TMEM132D: variants seen among roughly 807,000 people sequenced by gnomAD.
TMEM132D encodes the protein mature OL transmembrane protein.
A neutral mutation model predicts 62.3 loss-of-function variants in TMEM132D; 21 were observed. The ratio of observed to expected loss-of-function variants is 0.34; its 90% confidence interval spans 0.24 to 0.49. TMEM132D has a LOEUF of 0.49. Ranked by LOEUF, TMEM132D falls within the 20% of genes least tolerant of loss-of-function variation. TMEM132D has a pLI of 0.99. For synonymous variants in TMEM132D, 621 were observed against 575.6 expected, an observed-to-expected ratio of 1.08 and a Z score of -1.13; for missense variants, 1,346 against 1,402.8, an observed-to-expected ratio of 0.96 and a Z score of 0.65.
chr12:129,890,712 A>G (rs1397284763), intron 1 of TMEM132D, among the ~76,000 whole-genome samples: 1 of 152,220 alleles, frequency 6.6e-6, no homozygotes, highest in Non-Finnish European at 1.5e-5. Context: ...ATCACTGTCC[A>G]TGCCTCATTT....
At chr12:129,311,213 AAAAAAAAAAAAAAAAAAAAAAAGG>A (rs1881967837) in intron 4 of TMEM132D, among the ~76,000 whole-genome samples, 1 of 88,392 alleles carries the variant, frequency 1.1e-5, no homozygotes, top group African/African-American at 7.1e-5. Flanking sequence ...AAAAAAAAAA[AAAAAAAAAAAAAAAAAAAAAAAGG>A]AACAGGACAG....
At chr12:129,428,914 G>A (rs1016854524) in intron 3 of TMEM132D, among the ~76,000 whole-genome samples, 1 of 152,230 alleles carries the variant, frequency 6.6e-6, no homozygotes, top group East Asian at 1.9e-4. Context: ...AGAAGACTCC[G>A]TGAAAGTAAA....
At chr12:129,482,071 G>A (rs985416071) in intron 3 of TMEM132D, among the ~76,000 whole-genome samples, 11 of 152,222 alleles carry the variant, frequency 7.2e-5, no homozygotes, top group East Asian at 1.9e-4. Flanking sequence ...TAGAACAGAG[G>A]TACCCAGCTG....
intron 5 of TMEM132D, among the ~76,000 whole-genome samples, chr12:129,176,827 G>A (rs1877920670): frequency 6.6e-6 from 1 of 152,258 alleles, no homozygotes. Flanking sequence ...TCCCTGGCAT[G>A]TGCCATGGGC....
At chr12:129,357,472 A>G (rs1348657982) in intron 3 of TMEM132D, among the ~76,000 whole-genome samples, 1 of 151,070 alleles carries the variant, frequency 6.6e-6, no homozygotes, top group African/African-American at 2.4e-5. Flanking sequence ...AGCAGTAGAA[A>G]AAGGAAGGAG....
chr12:129,317,493 G>A (rs1282860219), intron 4 of TMEM132D, among the ~76,000 whole-genome samples: 2 of 152,190 alleles, frequency 1.3e-5, no homozygotes, highest in Non-Finnish European at 2.9e-5. Context: ...AGCTTATAGG[G>A]TTTCTGCTGA....
At position 129,377,133 on chromosome 12, in the gene TMEM132D, A is replaced by C. The variant is rs141647293; in HGVS notation, c.1116-39316T>G. ...AAGTCCTGACCTAATGTGACTGGTG[A>C]CCTTAAAAGAAGAGGAGATTAAGAG... On this transcript the variant is annotated intron_variant, in intron 3 of 8. Transcript: ENST00000422113. Among the ~76,000 whole-genome samples, 417 of 152,312 alleles carry C rather than the reference A, an allele frequency of 2.7e-3. 3 individuals carry two copies. The highest frequency in any genetic ancestry group is 9.5e-3 in the African/African-American group (396 of 41,576).
intron 1 of TMEM132D, among the ~76,000 whole-genome samples, chr12:129,895,790 C>T (rs1422737052): frequency 6.7e-6 from 1 of 150,286 alleles, no homozygotes; most frequent in Non-Finnish European, 1.5e-5. Context: ...CTAAGCTGCC[C>T]TCCAAATTCT....
chr12:129,653,999 C>T (rs749001813), intron 2 of TMEM132D, among the ~76,000 whole-genome samples: 2 of 152,070 alleles, frequency 1.3e-5, no homozygotes, highest in African/African-American at 2.4e-5. Context: ...TTAGACCTTC[C>T]TTGTTTTTGA....
chr12:129,125,750 G>A (rs1407774823), intron 5 of TMEM132D, among the ~76,000 whole-genome samples: 2 of 151,624 alleles, frequency 1.3e-5, no homozygotes, highest in African/African-American at 4.8e-5. Context: ...CGATCCGCTC[G>A]CCTTGGCCTC....
chr12:129,278,909 A>T (rs2135607509), intron 4 of TMEM132D, among the ~76,000 whole-genome samples: 1 of 152,270 alleles, frequency 6.6e-6, no homozygotes, highest in South Asian at 2.1e-4. Flanking sequence ...TGGGGCCAAG[A>T]ATGAAGTGGT....
intron 4 of TMEM132D, among the ~76,000 whole-genome samples, chr12:129,220,289 T>A (rs549984576): frequency 2.6e-5 from 4 of 152,194 alleles, no homozygotes; most frequent in African/African-American, 9.6e-5. Context: ...TAGAACCTCA[T>A]TGCCTCTCCC....
chr12:129,830,575 C>A (rs538229473), intron 1 of TMEM132D, among the ~76,000 whole-genome samples: 8 of 152,242 alleles, frequency 5.3e-5, no homozygotes, highest in Middle Eastern at 3.4e-3. Context: ...GAACCAGTAT[C>A]CTTCTTCCAT....
chr12:129,731,808 G>A lies in TMEM132D; in HGVS notation c.80-31110C>T, dbSNP rs192677652. On this transcript the variant is annotated intron_variant, in intron 1 of 8. Transcript: ENST00000422113. ...CTACTAAGTAGCTGGGACTACAGGC[G>A]CCCGCCACCACGCCCGGCTAATTTT... Among the ~76,000 whole-genome samples, 1,072 of 152,116 alleles carry A rather than the reference G, an allele frequency of 7.0e-3. 11 individuals are homozygous for A. The highest frequency in any genetic ancestry group is 0.025 in the African/African-American group (1,029 of 41,496).
At chr12:129,544,430 T>C (rs974050412) in intron 2 of TMEM132D, among the ~76,000 whole-genome samples, 1 of 152,254 alleles carries the variant, frequency 6.6e-6, no homozygotes, top group African/African-American at 2.4e-5. Context: ...ATCCAGTACC[T>C]GTTGGCATAA....
chr12:129,620,087 A>C (rs1266927300), intron 2 of TMEM132D, among the ~76,000 whole-genome samples: 1 of 152,180 alleles, frequency 6.6e-6, no homozygotes, highest in East Asian at 1.9e-4. Flanking sequence ...TGCTGTCACC[A>C]CATCGCCAGG....
In TMEM132D at chr12:129,259,620, G is replaced by C. The variant is rs148924520; in HGVS notation, c.1300-49957C>G. ...TTAAGGAGAACAGATGGTAATTAGA[G>C]TCAGGGATGGAGCTGGGAGCGAGGT... On this transcript the variant is annotated intron_variant, in intron 4 of 8. Coordinates refer to ENST00000422113, the MANE Select transcript of TMEM132D (RefSeq NM_133448.3). Among the ~76,000 whole-genome samples the C allele has an allele frequency of 1.0e-3, 154 of 152,258 alleles. 1 individual carries two copies. The highest frequency in any genetic ancestry group is 3.4e-3 in the African/African-American group (142 of 41,556).
chr12:129,723,444 T>C (rs1010100404), intron 1 of TMEM132D, among the ~76,000 whole-genome samples: 1 of 152,140 alleles, frequency 6.6e-6, no homozygotes, highest in Non-Finnish European at 1.5e-5. Context: ...GGCCCTTTGC[T>C]CTCTGGCTTC....
intron 1 of TMEM132D, among the ~76,000 whole-genome samples, chr12:129,786,303 C>T (rs1345882476): frequency 6.6e-6 from 1 of 152,108 alleles, no homozygotes; most frequent in Admixed American, 6.5e-5. Flanking sequence ...ATCTAGGCTC[C>T]AACGAGACCC....
Sources: allele counts gnomAD v4.1 joint callset (sites outside exome capture counted in the v4.1 genomes callset), GRCh38; gene constraint gnomAD v4.1.1; transcripts MANE v1.5; gene names NCBI Gene and HGNC (gene_info 2026-07-23, HGNC 2026-07-21).